Variants in TMEM132C observed in about 807,000 individuals in gnomAD.
TMEM132C encodes the protein protein phosphatase 1, regulatory subunit 152.
In TMEM132C, 29 loss-of-function variants were observed where a neutral mutation model predicts 61.4. The ratio of observed to expected loss-of-function variants is 0.47; its 90% CI spans 0.35 to 0.64. TMEM132C has a LOEUF of 0.64. Among genes scored for constraint, TMEM132C ranks in the 30% least tolerant of loss-of-function variants. The pLI is 0.00. For synonymous variants in TMEM132C, 656 were observed against 633.1 expected, an observed-to-expected ratio of 1.04 and a Z score of -0.54; for missense variants, 1,408 against 1,476.9, an observed-to-expected ratio of 0.95 and a Z score of 0.76.
chr12:128,639,162 GTGGTGATGGTGA>G (rs1954131735), intron 4 of TMEM132C, among the ~76,000 whole-genome samples: 15 of 122,346 alleles, frequency 1.2e-4, no homozygotes, highest in African/African-American at 1.9e-4. Flanking sequence ...GATGGTGATG[GTGGTGATGGTGA>G]TGATGGTGGT....
chr12:128,702,741 C>T (rs971967160), intron 8 of TMEM132C, among the ~76,000 whole-genome samples: 2 of 152,158 alleles, frequency 1.3e-5, no homozygotes, highest in African/African-American at 2.4e-5. Context: ...TTTTGAGTGG[C>T]GACATCTCCA....
intron 1 of TMEM132C, among the ~76,000 whole-genome samples, chr12:128,283,635 A>G (rs1592996528): frequency 1.3e-5 from 2 of 152,084 alleles, no homozygotes; most frequent in East Asian, 1.9e-4. Flanking sequence ...GCCTCCAGCC[A>G]TCTATCTATT....
chr12:128,468,812 C>T (rs1453696201), intron 2 of TMEM132C, among the ~76,000 whole-genome samples: 1 of 152,000 alleles, frequency 6.6e-6, no homozygotes, highest in East Asian at 1.9e-4. Context: ...AAAAAGAAAA[C>T]ACTATCACAT....
At chr12:128,301,901 T>C (rs748846177) in intron 1 of TMEM132C, among the ~76,000 whole-genome samples, 4 of 152,178 alleles carry the variant, frequency 2.6e-5, no homozygotes, top group African/African-American at 4.8e-5. Context: ...ACATCTTACA[T>C]GGTGGCAGAT....
At chr12:128,610,093 A>C (rs1021426893) in intron 3 of TMEM132C, among the ~76,000 whole-genome samples, 1 of 152,210 alleles carries the variant, frequency 6.6e-6, no homozygotes, top group Non-Finnish European at 1.5e-5. Context: ...GAGTATTGAC[A>C]TTAGGGTCAA....
At chr12:128,288,743 C>G (rs1296484762) in intron 1 of TMEM132C, 1 of 152,240 alleles carries the variant, frequency 6.6e-6, no homozygotes, top group African/African-American at 2.4e-5. Context: ...TCTCTGAAGT[C>G]TGGCACATGC....
chr12:128,693,764 A>G (rs1417435858), intron 5 of TMEM132C, 65 bp from the exon 6 acceptor site: 3 of 1,525,834 alleles, frequency 2.0e-6, no homozygotes, highest in Admixed American at 2.0e-5. Context: ...AGGAAAAACA[A>G]AAAAAGGATT....
At chr12:128,669,708 T>C in intron 5 of TMEM132C, 148 bp downstream of exon 5, 1 of 1,022,524 alleles carries the variant, frequency 9.8e-7, no homozygotes, top group Non-Finnish European at 1.4e-6. Context: ...ACTCAACGTG[T>C]CCATTGCCAT....
intron 2 of TMEM132C, among the ~76,000 whole-genome samples, chr12:128,465,949 A>G (rs1272962542): frequency 6.6e-6 from 1 of 152,168 alleles, no homozygotes; most frequent in Admixed American, 6.5e-5. Context: ...CGAGTGAAGC[A>G]CTGGGAGTGA....
At chr12:128,322,609 C>T (rs1289862301) in intron 1 of TMEM132C, among the ~76,000 whole-genome samples, 5 of 152,224 alleles carry the variant, frequency 3.3e-5, no homozygotes, top group Non-Finnish European at 7.3e-5. Flanking sequence ...ACGCCCGTCA[C>T]TCCTAAGAGC....
chr12:128,350,908 T>G (rs904863271), intron 1 of TMEM132C, among the ~76,000 whole-genome samples: 1 of 152,116 alleles, frequency 6.6e-6, no homozygotes. Flanking sequence ...GGTAGGGGCA[T>G]TGCCTACTTC....
Position 128,543,974 on chromosome 12 carries a change from G to T in TMEM132C, c.992G>T (p.Gly331Val). The T allele has an allele frequency of 6.5e-7, 1 of 1,546,648 alleles. No individual in the cohort carries two copies. Among genetic ancestry groups the T allele is most frequent in the Non-Finnish European group, 8.7e-7 (1 of 1,144,812 alleles). ...CCCCACAGAGCCAAGGTGAAGAAGG[G>T]GGTGAACATCCTGAGTGCTCAGACC... Reference protein sequence around the residue: ...LFILRAKVKKGVNILSAQTRE... With the variant: ...LFILRAKVKKVVNILSAQTRE... The change falls in exon 3 of 9, where the codon GGG (glycine) becomes GTG (valine). Residue 331 changes from glycine to valine, a missense_variant. Physicochemically the swap from Gly to Val is moderately radical, Grantham distance 109. Transcript: ENST00000435159.
chr12:128,627,871 A>G (rs974238472), intron 4 of TMEM132C, among the ~76,000 whole-genome samples: 10 of 152,130 alleles, frequency 6.6e-5, no homozygotes, highest in African/African-American at 2.4e-4. Context: ...TGGCTGTGAA[A>G]CTGCTGGACA....
chr12:128,525,390 T>A (rs1873052223), intron 2 of TMEM132C, among the ~76,000 whole-genome samples: 1 of 151,794 alleles, frequency 6.6e-6, no homozygotes, highest in African/African-American at 2.4e-5. Context: ...TAAAAGAATA[T>A]AATGTTAATA....
At chr12:128,591,290 C>T (rs1875741277) in intron 3 of TMEM132C, among the ~76,000 whole-genome samples, 1 of 152,130 alleles carries the variant, frequency 6.6e-6, no homozygotes, top group African/African-American at 2.4e-5. Flanking sequence ...CCCCCAGCCC[C>T]CGGCAACAAC....
intron 2 of TMEM132C, among the ~76,000 whole-genome samples, chr12:128,517,919 T>C (rs1449647701): frequency 6.6e-6 from 1 of 152,128 alleles, no homozygotes; most frequent in Non-Finnish European, 1.5e-5. Flanking sequence ...AGGGGACATG[T>C]CAGCTGCTAA....
chr12:128,425,704 C>T (rs926682981), intron 2 of TMEM132C, among the ~76,000 whole-genome samples: 5 of 152,158 alleles, frequency 3.3e-5, no homozygotes, highest in Non-Finnish European at 5.9e-5. Context: ...TTGCCTTCGC[C>T]AGCTGTCCTC....
chr12:128,343,075 G>T (rs1349634228), intron 1 of TMEM132C, among the ~76,000 whole-genome samples: 1 of 152,200 alleles, frequency 6.6e-6, no homozygotes, highest in Non-Finnish European at 1.5e-5. Context: ...ATGCTGCCAG[G>T]TGGCAGTTGG....
intron 1 of TMEM132C, among the ~76,000 whole-genome samples, chr12:128,341,549 A>G (rs905522492): frequency 1.3e-5 from 2 of 152,198 alleles, no homozygotes; most frequent in Non-Finnish European, 2.9e-5. Context: ...AAAAAAATAT[A>G]TTACGCAAGC....
Sources: gnomAD v4.1 joint callset for allele counts (sites outside exome capture counted in the v4.1 genomes callset) on GRCh38, gnomAD v4.1.1 for gene constraint, MANE v1.5 for transcripts, NCBI Gene and HGNC (gene_info 2026-07-23, HGNC 2026-07-21) for gene names.